PBX3: variants seen among roughly 807,000 people sequenced by gnomAD.
The protein encoded by PBX3 is PBX homeobox 3, also known as pre-B-cell leukemia transcription factor 3.
A neutral mutation model predicts 48.5 loss-of-function variants in PBX3; 14 were observed. That is an observed-to-expected ratio of 0.29 (90% CI 0.19 to 0.45). PBX3 has a LOEUF of 0.45. PBX3 is among the 20% of genes least tolerant of loss of function. The pLI is 1.00. For synonymous variants in PBX3, 210 were observed against 200.3 expected, an observed-to-expected ratio of 1.05 and a Z score of -0.41; for missense variants, 386 against 546.7, an observed-to-expected ratio of 0.71 and a Z score of 2.93.
intron 2 of PBX3, among the ~76,000 whole-genome samples, chr9:125,777,462 TCTC>T (rs1463422519): frequency 3.3e-5 from 5 of 151,568 alleles, no homozygotes; most frequent in Non-Finnish European, 5.9e-5. Flanking sequence ...TTCAAGCAAT[TCTC>T]CTGCCTCAGC....
At chr9:125,783,856 C>T (rs1837389420) in intron 2 of PBX3, among the ~76,000 whole-genome samples, 3 of 151,918 alleles carry the variant, frequency 2.0e-5, no homozygotes. Flanking sequence ...AGAAAATTAG[C>T]TGGGCATGGT....
intron 2 of PBX3, among the ~76,000 whole-genome samples, chr9:125,793,366 AATATATATATAT>A (rs1554855765): frequency 9.8e-6 from 1 of 101,976 alleles, no homozygotes; most frequent in Non-Finnish European, 1.8e-5. Flanking sequence ...GGAAAAAAAA[AATATATATATAT>A]ATATATATAT....
At chr9:125,752,924 A>G (rs752459464) in intron 2 of PBX3, among the ~76,000 whole-genome samples, 10 of 152,186 alleles carry the variant, frequency 6.6e-5, no homozygotes, top group Non-Finnish European at 1.3e-4. Flanking sequence ...CATGAAACAC[A>G]TTTTGTTTTA....
In PBX3 at chr9:125,857,935, T is replaced by C. The variant is rs114236854; in HGVS notation, c.275-57751T>C. On this transcript the variant is annotated intron_variant, in intron 2 of 8. Transcript: ENST00000373489. ...ATTATGAGCATAAGAAGTGCATTAG[T>C]TTTAAAAAGATGTAGTCAATTGGAG... 3.6e-3 allele frequency among the ~76,000 whole-genome samples: 541 copies of C among 152,322 alleles called. 3 individuals are homozygous for C. The highest frequency in any genetic ancestry group is 0.012 in the African/African-American group (509 of 41,580).
chr9:125,817,741 T>C, intron 2 of PBX3, among the ~76,000 whole-genome samples: 1 of 152,240 alleles, frequency 6.6e-6, no homozygotes, highest in East Asian at 1.9e-4. Flanking sequence ...CTTATTTTTT[T>C]TGTCCTACAA....
At chr9:125,770,987 C>T (rs1836926946) in intron 2 of PBX3, among the ~76,000 whole-genome samples, 1 of 152,154 alleles carries the variant, frequency 6.6e-6, no homozygotes, top group Admixed American at 6.5e-5. Flanking sequence ...TGAATAACAG[C>T]AGACATTTTG....
intron 2 of PBX3, among the ~76,000 whole-genome samples, chr9:125,767,859 A>G (rs1166519228): frequency 6.6e-6 from 1 of 151,946 alleles, no homozygotes; most frequent in Non-Finnish European, 1.5e-5. Flanking sequence ...CTTTGAGTGT[A>G]TTGAGGGGAA....
At chr9:125,766,497 G>C (rs969671678) in intron 2 of PBX3, among the ~76,000 whole-genome samples, 2 of 152,082 alleles carry the variant, frequency 1.3e-5, no homozygotes, top group African/African-American at 4.8e-5. Flanking sequence ...TAAGCACTCT[G>C]TTTTCTAGTG....
chr9:125,802,329 T>C, intron 2 of PBX3, among the ~76,000 whole-genome samples: 1 of 149,956 alleles, frequency 6.7e-6, no homozygotes, highest in South Asian at 2.1e-4. Flanking sequence ...GTATATAATG[T>C]TTAGCTTCTA....
intron 2 of PBX3, among the ~76,000 whole-genome samples, chr9:125,763,097 A>G (rs1322976295): frequency 6.6e-6 from 1 of 152,226 alleles, no homozygotes; most frequent in Non-Finnish European, 1.5e-5. Context: ...CTCAGCAAAT[A>G]CAGTGCTGAA....
intron 2 of PBX3, among the ~76,000 whole-genome samples, chr9:125,832,089 G>T (rs1042468064): frequency 6.6e-6 from 1 of 151,924 alleles, no homozygotes; most frequent in African/African-American, 2.4e-5. Flanking sequence ...TAAGTTCTTA[G>T]ATTTTATATT....
chr9:125,763,361 A>C (rs1482094303), intron 2 of PBX3, among the ~76,000 whole-genome samples: 3 of 152,224 alleles, frequency 2.0e-5, no homozygotes, highest in Non-Finnish European at 4.4e-5. Context: ...AGAAATGAAC[A>C]AAAAGATATT....
intron 2 of PBX3, among the ~76,000 whole-genome samples, chr9:125,907,245 A>G (rs2132441289): frequency 6.6e-6 from 1 of 152,218 alleles, no homozygotes; most frequent in East Asian, 1.9e-4. Context: ...TAATGTCAAC[A>G]CAACGTATGG....
At chr9:125,777,538 T>A (rs1261440568) in intron 2 of PBX3, among the ~76,000 whole-genome samples, 1 of 150,762 alleles carries the variant, frequency 6.6e-6, no homozygotes, top group East Asian at 2.0e-4. Context: ...TTTTTTTTTG[T>A]ATTTTAGTAG....
chr9:125,874,492 T>C (rs1055499029), intron 2 of PBX3, among the ~76,000 whole-genome samples: 2 of 152,200 alleles, frequency 1.3e-5, no homozygotes, highest in African/African-American at 4.8e-5. Flanking sequence ...GTTCAGCTTA[T>C]GTCATTAATG....
intron 2 of PBX3, among the ~76,000 whole-genome samples, chr9:125,894,989 A>C (rs1464323642): frequency 6.6e-6 from 1 of 152,126 alleles, no homozygotes; most frequent in Non-Finnish European, 1.5e-5. Context: ...ACTGAGGAAT[A>C]TTCTCATTTA....
chr9:125,830,853 G>T (rs7848507), intron 2 of PBX3, among the ~76,000 whole-genome samples: 98,247 of 151,644 alleles, frequency 0.65, 32,040 homozygotes, highest in South Asian at 0.68. Flanking sequence ...TGGTTTTTTT[G>T]TTGTTGTTGT....
At chr9:125,951,628 A>G (rs2118768182) in intron 5 of PBX3, among the ~76,000 whole-genome samples, 1 of 152,326 alleles carries the variant, frequency 6.6e-6, no homozygotes, top group African/African-American at 2.4e-5. Flanking sequence ...GCACAGTCCT[A>G]TATATTTAAC....
At chr9:125,901,566 T>C (rs1588278035) in intron 2 of PBX3, among the ~76,000 whole-genome samples, 1 of 151,606 alleles carries the variant, frequency 6.6e-6, no homozygotes, top group Non-Finnish European at 1.5e-5. Context: ...TCAGTAAAGG[T>C]TTGTTGACTG....
Sources: gnomAD v4.1 joint callset for allele counts (sites outside exome capture counted in the v4.1 genomes callset) on GRCh38, gnomAD v4.1.1 for gene constraint, MANE v1.5 for transcripts, NCBI Gene and HGNC (gene_info 2026-07-23, HGNC 2026-07-21) for gene names.